POLD2: variants seen among roughly 807,000 people sequenced by gnomAD.
POLD2 encodes DNA polymerase delta subunit 2.
Under a neutral mutation model 48.8 loss-of-function variants are expected in POLD2, and 31 were observed. The observed-to-expected ratio is 0.64, with a 90% CI of 0.48 to 0.86. The LOEUF is 0.86. Among genes scored for constraint, POLD2 ranks in the 40% least tolerant of loss-of-function variants. POLD2 has a pLI of 0.00. For missense variants in POLD2, 455 were observed against 610.1 expected, an observed-to-expected ratio of 0.75 and a Z score of 2.68; for synonymous variants, 233 against 256.3, an observed-to-expected ratio of 0.91 and a Z score of 0.87.
chr7:44,116,713 C>T lies in POLD2; in HGVS notation c.780+104G>A. On this transcript the variant is annotated intron_variant, in intron 6 of 10. Transcript: ENST00000610533. The surrounding 1 kb of genome is among the most constrained non-coding windows in gnomAD (Gnocchi z 6.1). ...GTCACTGCAGGGCGCTTCCCACCGA[C>T]CTGCGAGACCTCACAGGGTACCCTA... 3 of 1,301,932 alleles carry T rather than the reference C, an allele frequency of 2.3e-6. No individual in the cohort carries two copies. The highest frequency in any genetic ancestry group is 3.2e-6 in the Non-Finnish European group (3 of 924,920). The allele number at this position is 1,301,932 out of a possible 1,614,324, so 80.6% of individuals were successfully genotyped here.
chr7:44,122,479 G>A (rs2096249597), intron 1 of POLD2: 1 of 1,024,290 alleles, frequency 9.8e-7, no homozygotes. Flanking sequence ...TTCCAGACAA[G>A]AGGTCTGCCT....
At chr7:44,124,110 T>C (rs535287218), upstream of POLD2, among the ~76,000 whole-genome samples, 4 of 152,290 alleles carry the variant, frequency 2.6e-5, no homozygotes, top group Admixed American at 2.6e-4. Context: ...GGGAAACGCA[T>C]TGGCGGTTTC....
At chr7:44,119,216 G>A (rs1023531616) in intron 2 of POLD2, among the ~76,000 whole-genome samples, 10 of 152,082 alleles carry the variant, frequency 6.6e-5, no homozygotes, top group African/African-American at 2.2e-4. Flanking sequence ...TGGCACTCTC[G>A]AGAAGAAAGG....
upstream of POLD2, chr7:44,123,780 G>C (rs1317331151): frequency 3.4e-6 from 4 of 1,187,746 alleles, no homozygotes; most frequent in Admixed American, 1.3e-4. Flanking sequence ...GTTGGCGGCC[G>C]CGCGTGCAGG....
rs2096239523 is a variant in POLD2, at chr7:44,116,444, G to A, written c.847C>T (p.Leu283Phe). 2 of 1,580,738 alleles carry A rather than the reference G, an allele frequency of 1.3e-6. No homozygotes were observed. The highest frequency in any genetic ancestry group is 2.3e-5 in the East Asian group (1 of 43,464). Reference sequence around the variant, plus strand: ...AGCTCGCTCACGCTCAGCTGCAGGAGGATCTCATCCAGCATCTTAACAGCC... The same window carrying A: ...AGCTCGCTCACGCTCAGCTGCAGGAAGATCTCATCCAGCATCTTAACAGCC... ...VEAVKMLDEILLQLSASVPVD... is the reference protein window; with the variant it reads ...VEAVKMLDEIFLQLSASVPVD... The change falls in exon 7 of 11, where the codon CTC becomes TTC. Residue 283 changes from leucine (L) to phenylalanine (F), a missense_variant. By Grantham distance (22) the Leu-to-Phe change is conservative. Around this residue, in one of 3 missense-constraint regions of POLD2, gnomAD observed 349 missense variants for 437.4 expected, o/e 0.80. Coordinates refer to ENST00000610533, the MANE Select transcript of POLD2 (RefSeq NM_006230.4). The surrounding 1 kb of genome is among the most constrained non-coding windows in gnomAD (Gnocchi z 6.1).
chr7:44,116,709 C>A lies in POLD2; in HGVS notation c.780+108G>T. ...CAGAGTCACTGCAGGGCGCTTCCCA[C>A]CGACCTGCGAGACCTCACAGGGTAC... On this transcript the variant is annotated intron_variant, in intron 6 of 10. Transcript: ENST00000610533. This position sits in a 1 kb window ranked among gnomAD's most constrained non-coding sequence, Gnocchi z 6.1. 7.9e-7 allele frequency: 1 copy of A among 1,264,700 alleles called. No homozygotes were observed. Among genetic ancestry groups the A allele is most frequent in the Non-Finnish European group, 1.1e-6 (1 of 894,904 alleles). 78.3% of individuals were successfully genotyped at this position (1,264,700 alleles called of 1,614,324 possible). A position where few individuals can be genotyped will look rare whatever the true frequency, so the allele number is the denominator to read the frequency against.
rs2128810049 is a variant in POLD2 at position 44,115,032 on chromosome 7, A to G, written c.1250-87T>C. On this transcript the variant is annotated intron_variant, in intron 10 of 10. Transcript: ENST00000610533. Reference sequence around the variant, plus strand: ...CTGCCAGAAATAAACAGGAGTCCCCATTGGCACACAGTGGGGCAGTGACAA... The same window carrying G: ...CTGCCAGAAATAAACAGGAGTCCCCGTTGGCACACAGTGGGGCAGTGACAA... 3 of 1,203,690 alleles carry G rather than the reference A, an allele frequency of 2.5e-6. No individual in the cohort carries two copies. In the Middle Eastern group the frequency reaches 5.9e-4, roughly 237 times the overall value. The allele number at this position is 1,203,690 out of a possible 1,614,324, so 74.6% of individuals were successfully genotyped here. A position where few individuals can be genotyped will look rare whatever the true frequency, so the allele number is the denominator to read the frequency against.
chr7:44,124,173 C>G (rs1175152978), upstream of POLD2: 5 of 152,454 alleles, frequency 3.3e-5, no homozygotes, highest in African/African-American at 7.2e-5. Flanking sequence ...GCCCAACACT[C>G]CCCAATCTCC....
At chr7:44,120,957 A>G (rs1487299849) in intron 2 of POLD2, among the ~76,000 whole-genome samples, 2 of 152,206 alleles carry the variant, frequency 1.3e-5, no homozygotes, top group Non-Finnish European at 2.9e-5. Context: ...CTGCCTGCCT[A>G]TAACGAGAAT....
intron 2 of POLD2, chr7:44,118,360 C>T (rs1018252217): frequency 2.3e-5 from 6 of 257,096 alleles, no homozygotes; most frequent in East Asian, 8.9e-5. Context: ...CGGAGTGATG[C>T]GGCCACAAGC....
rs775811155 is a variant in POLD2, at chr7:44,116,805, T to G, written c.780+12A>C. The G allele has an allele frequency of 1.2e-6, 2 of 1,612,288 alleles. No homozygotes were observed. Among genetic ancestry groups the G allele is most frequent in the South Asian group, 2.2e-5 (2 of 91,008 alleles). On this transcript the variant is annotated intron_variant, in intron 6 of 10. Coordinates refer to ENST00000610533, the MANE Select transcript of POLD2 (RefSeq NM_006230.4). This position sits in a 1 kb window ranked among gnomAD's most constrained non-coding sequence, Gnocchi z 6.1. ...TGGGCTGGGGCTGAATGCAGCCAGG[T>G]GGGCTCCATACCTTATTGATAGAAT...
At chr7:44,122,242 C>T in intron 1 of POLD2, 133 bp from the exon 2 acceptor site, 1 of 1,425,284 alleles carries the variant, frequency 7.0e-7, no homozygotes, top group Non-Finnish European at 9.1e-7. Flanking sequence ...GACATTGTGT[C>T]CACTTGGAAA....
chr7:44,116,664 A>C lies in POLD2; in HGVS notation c.780+153T>G, dbSNP rs541095668. On this transcript the variant is annotated intron_variant, in intron 6 of 10. Coordinates refer to ENST00000610533, the MANE Select transcript of POLD2 (RefSeq NM_006230.4). This position sits in a 1 kb window ranked among gnomAD's most constrained non-coding sequence, Gnocchi z 6.1. ...CCTCAGCGAGGGCCTGGGCATGAGG[A>C]GCCCCATTGCAGGAGGCCCCAGAGT... 1.3e-5 allele frequency among the ~76,000 whole-genome samples: 2 copies of C among 152,180 alleles called. No homozygotes were observed. The highest frequency in any genetic ancestry group is 4.1e-4 in the South Asian group (2 of 4,820).
In POLD2 at chr7:44,121,762, C is replaced by G. The variant is rs1317975596; in HGVS notation, c.220+72G>C. The G allele has an allele frequency of 7.0e-7, 1 of 1,429,402 alleles. No individual in the cohort carries two copies. Among genetic ancestry groups the G allele is most frequent in the African/African-American group, 1.4e-5 (1 of 70,442 alleles). 88.5% of individuals were successfully genotyped at this position (1,429,402 alleles called of 1,614,324 possible). Reference sequence around the variant, plus strand: ...AGTGGGATCAATTAGATAAACTGTTCCCATTCTCTTGCAGAACACTTCTAA... The same window carrying G: ...AGTGGGATCAATTAGATAAACTGTTGCCATTCTCTTGCAGAACACTTCTAA... On this transcript the variant is annotated intron_variant, in intron 2 of 10. Coordinates refer to ENST00000610533, the MANE Select transcript of POLD2 (RefSeq NM_006230.4). The surrounding 1 kb of genome is among the most constrained non-coding windows in gnomAD (Gnocchi z 4.5).
In POLD2 at chr7:44,116,043, C is replaced by A. The variant is rs2096238556; in HGVS notation, c.1019+72G>T. 1 of 1,601,456 alleles carries A rather than the reference C, an allele frequency of 6.2e-7. No homozygotes were observed. Among genetic ancestry groups the A allele is most frequent in the African/African-American group, 1.3e-5 (1 of 74,688 alleles). On this transcript the variant is annotated intron_variant, in intron 8 of 10. Coordinates refer to ENST00000610533, the MANE Select transcript of POLD2 (RefSeq NM_006230.4). The surrounding 1 kb of genome is among the most constrained non-coding windows in gnomAD (Gnocchi z 6.1). ...CAGCCCTGCCACCTTCCTGGGCCCT[C>A]CCTCCCCTCCCTTCTTTGTGCCTCC...
At chr7:44,123,169 G>T in intron 1 of POLD2, 6 of 1,006,346 alleles carry the variant, frequency 6.0e-6, no homozygotes, top group South Asian at 7.2e-5. Context: ...TACTTTTTTC[G>T]TACACCTACT....
chr7:44,118,591 C>T (rs2096243988), intron 2 of POLD2, among the ~76,000 whole-genome samples: 1 of 152,202 alleles, frequency 6.6e-6, no homozygotes, highest in Non-Finnish European at 1.5e-5. Context: ...CAGCTCACTG[C>T]AAGCTCCGCC....
intron 2 of POLD2, among the ~76,000 whole-genome samples, chr7:44,120,888 C>CTAA (rs2096247301): frequency 6.6e-6 from 1 of 152,118 alleles, no homozygotes; most frequent in Non-Finnish European, 1.5e-5. Context: ...TGAAAATGGA[C>CTAA]TAATACATAT....
chr7:44,116,883 G>A lies in POLD2; in HGVS notation c.714C>T (p.Val238=). Residue 238 remains valine, a synonymous_variant, in exon 6 of 11, where the codon GTC becomes GTT. Coordinates refer to ENST00000610533, the MANE Select transcript of POLD2 (RefSeq NM_006230.4). This position sits in a 1 kb window ranked among gnomAD's most constrained non-coding sequence, Gnocchi z 6.1. ...GGTTGCCAGCGAGGATAACCCGGGAGACGTGGGCGGCGCTGCACTGCTCCC... is the reference window on the plus strand; with the variant it reads ...GGTTGCCAGCGAGGATAACCCGGGAAACGTGGGCGGCGCTGCACTGCTCCC... The part of the protein sequence containing the change: ...DEGEQCSAAH[V]SRVILAGNLL... The A allele has an allele frequency of 1.9e-6, 3 of 1,614,036 alleles. No homozygotes were observed. Among genetic ancestry groups the A allele is most frequent in the Non-Finnish European group, 2.5e-6 (3 of 1,180,010 alleles).
Sources: allele counts gnomAD v4.1 joint callset (sites outside exome capture counted in the v4.1 genomes callset), GRCh38; gene constraint gnomAD v4.1.1; regional missense constraint gnomAD v4.1.1; non-coding constraint Gnocchi (gnomAD v3.1); transcripts MANE v1.5; gene names NCBI Gene and HGNC (gene_info 2026-07-23, HGNC 2026-07-21).